The following TET2 variants were observed in gnomAD, a reference collection of about 807,000 sequenced individuals.
TET2 encodes tet methylcytosine dioxygenase 2.
A neutral mutation model predicts 142.9 loss-of-function variants in TET2; 299 were observed. The ratio of observed to expected loss-of-function variants is 2.09; its 90% CI spans 1.90 to 2.30. The LOEUF is 2.30. Among genes scored for constraint, TET2 ranks in the 30% most tolerant of loss-of-function variants. TET2 has a pLI of 0.00. For missense variants in TET2, 2,418 were observed against 2,378.0 expected (o/e 1.02, Z -0.35); for synonymous variants, 819 against 849.0 (o/e 0.96, Z 0.61).
At chr4:105,272,955 T>A in intron 10 of TET2, 37 bp downstream of exon 10, 1 of 1,445,936 alleles carries the variant, frequency 6.9e-7, no homozygotes, top group Non-Finnish European at 9.2e-7. Flanking sequence ...ATAAATGTGT[T>A]GTGTGGTATA....
At chr4:105,149,853 G>A (rs1723215467) in intron 1 of TET2, among the ~76,000 whole-genome samples, 1 of 152,206 alleles carries the variant, frequency 6.6e-6, no homozygotes, top group African/African-American at 2.4e-5. Flanking sequence ...ACTAGACATT[G>A]GCAAGTGAAT....
intron 1 of TET2, among the ~76,000 whole-genome samples, chr4:105,172,968 T>C (rs896418368): frequency 6.6e-6 from 1 of 152,186 alleles, no homozygotes; most frequent in African/African-American, 2.4e-5. Context: ...TATTATACAA[T>C]GATACTATTT....
At chr4:105,257,592 T>C (rs1730204696) in intron 6 of TET2, among the ~76,000 whole-genome samples, 1 of 152,112 alleles carries the variant, frequency 6.6e-6, no homozygotes, top group South Asian at 2.1e-4. Flanking sequence ...TATTCCCTGC[T>C]TGTGCAGAGT....
At chr4:105,261,175 A>AC (rs1730406748) in intron 7 of TET2, among the ~76,000 whole-genome samples, 1 of 152,058 alleles carries the variant, frequency 6.6e-6, no homozygotes. Context: ...TTACTTGGAA[A>AC]ATCTGTTCTT....
At position 105,276,141 on chromosome 4, in the gene TET2, G is replaced by A. The variant is rs1731211122; in HGVS notation, c.5631G>A (p.Lys1877=). 1 of 1,551,534 alleles carries A rather than the reference G, an allele frequency of 6.4e-7. No homozygotes were observed. Among genetic ancestry groups the A allele is most frequent in the African/African-American group, 1.4e-5 (1 of 73,028 alleles). The change falls in exon 11 of 11, where the codon AAG becomes AAA. Residue 1877 remains lysine, a synonymous_variant. Coordinates refer to ENST00000380013, the MANE Select transcript of TET2 (RefSeq NM_001127208.3). ...GGTCAATTCTCATTGAGTGTGCAAA[G>A]CGTGAGCTGCATGCCACAACCCCTT... is the stretch of plus-strand genomic sequence containing the variant. ...THGSILIECA[K]RELHATTPLK... is the part of the protein sequence containing the mutation.
Position 105,235,112 on chromosome 4 carries a change from T to C in TET2, c.1170T>C (p.Asp390=). 1 of 1,613,950 alleles carries C rather than the reference T, an allele frequency of 6.2e-7. No individual in the cohort carries two copies. The highest frequency in any genetic ancestry group is 8.5e-7 in the Non-Finnish European group (1 of 1,179,948). ...AGCAAAGCTCAGTGTTCACTAAGGA[T>C]TCCTTTTCTGCCACTACCACACCAC... ...YFKQSSVFTK[D]SFSATTTPPP... is the part of the protein sequence containing the mutation. Residue 390 remains aspartate, a synonymous_variant, in exon 3 of 11, where the codon GAT becomes GAC. Transcript: ENST00000380013.
In TET2 at chr4:105,254,084, A is replaced by G. The variant is rs542790277; in HGVS notation, c.3804-5535A>G. On this transcript the variant is annotated intron_variant, in intron 6 of 10. Coordinates refer to ENST00000380013, the MANE Select transcript of TET2 (RefSeq NM_001127208.3). ...TCATGGTTGCTATTAGTCTGTAGTT[A>G]TCTTTTATTGTAAAGACTTTGGTGT... Among the ~76,000 whole-genome samples, 8 of 152,276 alleles carry G rather than the reference A, an allele frequency of 5.3e-5. No homozygotes were observed. The East Asian group carries it at 1.5e-3, about 29-fold the overall frequency.
At chr4:105,191,560 C>G (rs1024014962) in intron 2 of TET2, among the ~76,000 whole-genome samples, 13 of 152,090 alleles carry the variant, frequency 8.5e-5, no homozygotes, top group Admixed American at 2.0e-4. Context: ...TTCAGTTTCA[C>G]TAAATCTTGT....
intron 1 of TET2, chr4:105,172,381 T>C (rs1342910282): frequency 6.6e-6 from 1 of 152,228 alleles, no homozygotes; most frequent in Non-Finnish European, 1.5e-5. Flanking sequence ...GAAACTGTTA[T>C]TAAGAAAATC....
At chr4:105,245,748 A>C (rs1028368314) in intron 6 of TET2, among the ~76,000 whole-genome samples, 1 of 152,230 alleles carries the variant, frequency 6.6e-6, no homozygotes, top group Non-Finnish European at 1.5e-5. Context: ...ACTTGTGCTC[A>C]TATTGGTAAT....
chr4:105,237,627 G>A (rs893213387), intron 3 of TET2: 3 of 1,366,976 alleles, frequency 2.2e-6, no homozygotes, highest in Admixed American at 3.2e-5. Context: ...GAATGTATCT[G>A]TTTTAGATCA....
chr4:105,163,846 AGAGAGAGAGT>A (rs1462430184), intron 1 of TET2, among the ~76,000 whole-genome samples: 137 of 116,038 alleles, frequency 1.2e-3, no homozygotes, highest in Middle Eastern at 4.5e-3. Context: ...AGAGAGAGAG[AGAGAGAGAGT>A]GTGTGTGTGT....
intron 10 of TET2, 43 bp downstream of exon 10, chr4:105,272,961 G>T (rs1183310130): frequency 2.8e-6 from 4 of 1,433,720 alleles, no homozygotes; most frequent in Admixed American, 2.7e-5. Context: ...GTGTTGTGTG[G>T]TATATTAAAA....
chr4:105,184,289 A>G (rs1473384418), intron 1 of TET2, among the ~76,000 whole-genome samples: 3 of 152,202 alleles, frequency 2.0e-5, no homozygotes, highest in Non-Finnish European at 2.9e-5. Context: ...TCTATACACA[A>G]TGCCTTGTGA....
At chr4:105,210,146 G>T (rs901330520) in intron 2 of TET2, among the ~76,000 whole-genome samples, 2 of 152,168 alleles carry the variant, frequency 1.3e-5, no homozygotes, top group Non-Finnish European at 2.9e-5. Flanking sequence ...AGAGTTTGAA[G>T]TGCCTATGGG....
chr4:105,156,334 A>G (rs969355051), intron 1 of TET2, among the ~76,000 whole-genome samples: 1 of 152,244 alleles, frequency 6.6e-6, no homozygotes, highest in Non-Finnish European at 1.5e-5. Context: ...GGAATTGCCT[A>G]TGTTCAGGCA....
chr4:105,241,532 G>A, intron 4 of TET2, 103 bp downstream of exon 4: 4 of 1,468,032 alleles, frequency 2.7e-6, no homozygotes, highest in Non-Finnish European at 3.6e-6. Context: ...TGTAAATTGA[G>A]TAATTATTAG....
intron 1 of TET2, among the ~76,000 whole-genome samples, chr4:105,150,008 A>G (rs1252791689): frequency 6.6e-6 from 1 of 152,226 alleles, no homozygotes; most frequent in Non-Finnish European, 1.5e-5. Context: ...AAAGTTCCCT[A>G]TCAATTCTTC....
chr4:105,151,045 C>T (rs574727240), intron 1 of TET2, among the ~76,000 whole-genome samples: 5 of 152,184 alleles, frequency 3.3e-5, no homozygotes, highest in East Asian at 1.9e-4. Flanking sequence ...TTTGGATGGG[C>T]GTGGTGACTC....
Sources: gnomAD v4.1 joint callset for allele counts (sites outside exome capture counted in the v4.1 genomes callset) on GRCh38, gnomAD v4.1.1 for gene constraint, MANE v1.5 for transcripts, NCBI Gene and HGNC (gene_info 2026-07-23, HGNC 2026-07-21) for gene names.